The following CABCOCO1 variants were observed in gnomAD, a reference collection of about 807,000 sequenced individuals.
CABCOCO1 encodes the protein ciliary associated calcium binding coiled-coil 1.
A neutral mutation model predicts 35.7 loss-of-function variants in CABCOCO1; 28 were observed. The ratio of observed to expected loss-of-function variants is 0.78; its 90% CI spans 0.58 to 1.07. The LOEUF is 1.07. CABCOCO1 is among the 50% of genes least tolerant of loss of function. The pLI is 0.00. For missense variants in CABCOCO1, 326 were observed against 309.2 expected (o/e 1.05, Z -0.41); for synonymous variants, 95 against 100.1 (o/e 0.95, Z 0.30).
chr10:61,670,966 T>C (rs1321753045), intron 1 of CABCOCO1, among the ~76,000 whole-genome samples: 1 of 152,222 alleles, frequency 6.6e-6, no homozygotes, highest in Non-Finnish European at 1.5e-5. Flanking sequence ...ACTCAGCCAC[T>C]GAAATCAACT....
intron 5 of CABCOCO1, among the ~76,000 whole-genome samples, chr10:61,733,461 T>C (rs1161173472): frequency 6.6e-6 from 1 of 152,080 alleles, no homozygotes; most frequent in Non-Finnish European, 1.5e-5. Flanking sequence ...CTATTTAAGG[T>C]GTTTAATCAA....
intron 7 of CABCOCO1, among the ~76,000 whole-genome samples, chr10:61,765,322 C>T (rs576132969): frequency 4.9e-4 from 74 of 152,272 alleles, no homozygotes; most frequent in Non-Finnish European, 8.4e-4. Context: ...CACAGAAGAT[C>T]GCTGCCAGAG....
chr10:61,711,315 G>A (rs146757250), intron 5 of CABCOCO1, among the ~76,000 whole-genome samples: 103 of 152,026 alleles, frequency 6.8e-4, no homozygotes, highest in African/African-American at 2.4e-3. Flanking sequence ...CACGTTAACA[G>A]CAATCATAAA....
chr10:61,688,214 A>T (rs1840024733), intron 4 of CABCOCO1, among the ~76,000 whole-genome samples: 1 of 152,220 alleles, frequency 6.6e-6, no homozygotes, highest in South Asian at 2.1e-4. Flanking sequence ...CATTTTGATG[A>T]CTACAAAGCA....
At chr10:61,734,192 A>C (rs1208641118) in intron 5 of CABCOCO1, among the ~76,000 whole-genome samples, 1 of 152,102 alleles carries the variant, frequency 6.6e-6, no homozygotes, top group Admixed American at 6.6e-5. Flanking sequence ...AAGGGTATGA[A>C]AATGTGAATT....
intron 5 of CABCOCO1, among the ~76,000 whole-genome samples, chr10:61,720,851 T>C (rs908770710): frequency 1.3e-5 from 2 of 151,598 alleles, no homozygotes; most frequent in Non-Finnish European, 2.9e-5. Context: ...AGTAGGAAAG[T>C]ATAATATTTT....
intron 5 of CABCOCO1, among the ~76,000 whole-genome samples, chr10:61,725,621 AG>A (rs1025440243): frequency 1.6e-5 from 1 of 62,856 alleles, no homozygotes; most frequent in African/African-American, 6.0e-5. Flanking sequence ...GGGTAGGGGG[AG>A]GGGGGAGGGA....
At chr10:61,764,650 A>G (rs1395900575) in intron 7 of CABCOCO1, among the ~76,000 whole-genome samples, 1 of 152,078 alleles carries the variant, frequency 6.6e-6, no homozygotes, top group Non-Finnish European at 1.5e-5. Context: ...TGCATCCTAA[A>G]GGAAGAGTTC....
intron 5 of CABCOCO1, among the ~76,000 whole-genome samples, chr10:61,753,786 C>T (rs1026774656): frequency 2.0e-5 from 3 of 152,054 alleles, no homozygotes; most frequent in African/African-American, 7.2e-5. Flanking sequence ...CTATCTAGGT[C>T]TCAAAAGAGA....
intron 5 of CABCOCO1, among the ~76,000 whole-genome samples, chr10:61,745,925 C>A (rs1024496448): frequency 6.6e-5 from 10 of 152,158 alleles, no homozygotes; most frequent in African/African-American, 2.4e-4. Context: ...GAATTAAAAA[C>A]CAAGATGGAT....
intron 5 of CABCOCO1, among the ~76,000 whole-genome samples, chr10:61,704,536 T>A (rs182648264): frequency 6.6e-6 from 1 of 152,150 alleles, no homozygotes; most frequent in Non-Finnish European, 1.5e-5. Context: ...TAGATCCTCC[T>A]CTAATTGATC....
At chr10:61,720,690 G>T (rs1011170961) in intron 5 of CABCOCO1, among the ~76,000 whole-genome samples, 2 of 36,744 alleles carry the variant, frequency 5.4e-5, no homozygotes, top group Non-Finnish European at 8.7e-5. Context: ...ATCATGTGGT[G>T]GGGGGGCAGG....
chr10:61,696,075 A>G (rs1048300012), intron 5 of CABCOCO1, among the ~76,000 whole-genome samples: 1 of 152,132 alleles, frequency 6.6e-6, no homozygotes, highest in African/African-American at 2.4e-5. Flanking sequence ...CTAAATAAAT[A>G]TCAAATGTGT....
chr10:61,674,618 T>C (rs1219628981), intron 2 of CABCOCO1, among the ~76,000 whole-genome samples: 1 of 152,134 alleles, frequency 6.6e-6, no homozygotes, highest in Non-Finnish European at 1.5e-5. Context: ...TATCACCAAG[T>C]GACAGAAAAT....
intron 5 of CABCOCO1, among the ~76,000 whole-genome samples, chr10:61,740,731 A>C (rs1841531042): frequency 6.6e-6 from 1 of 152,200 alleles, no homozygotes; most frequent in East Asian, 1.9e-4. Flanking sequence ...CTGAGAAAAA[A>C]ATTAAAATAT....
At chr10:61,738,590 A>G (rs1385148698) in intron 5 of CABCOCO1, among the ~76,000 whole-genome samples, 1 of 152,224 alleles carries the variant, frequency 6.6e-6, no homozygotes, top group East Asian at 1.9e-4. Context: ...AAACATCTTA[A>G]TGATAAGTCC....
chr10:61,709,643 TAA>T (rs67733924), intron 5 of CABCOCO1, among the ~76,000 whole-genome samples: 59,472 of 151,264 alleles, frequency 0.39, 13,949 homozygotes, highest in Middle Eastern at 0.53. Flanking sequence ...GAAATTTTTT[TAA>T]AGTCATTTAA....
intron 5 of CABCOCO1, among the ~76,000 whole-genome samples, chr10:61,696,545 C>T (rs533916469): frequency 2.6e-4 from 39 of 152,004 alleles, no homozygotes; most frequent in East Asian, 9.7e-4. Context: ...TTGCTCAGGC[C>T]GGAATGCAGT....
rs114679498 is a variant in CABCOCO1, at chr10:61,761,667, T to C, written c.816+664T>C. Among the ~76,000 whole-genome samples, 439 of 152,230 alleles carry C rather than the reference T, an allele frequency of 2.9e-3. 2 individuals are homozygous for C. The highest frequency in any genetic ancestry group is 0.01 in the African/African-American group (418 of 41,552). Reference sequence around the variant, plus strand: ...AATGATTAAATAAGTAAAATGTATATTTTGAGTACATTTGCAATTTATTTA... The same window carrying C: ...AATGATTAAATAAGTAAAATGTATACTTTGAGTACATTTGCAATTTATTTA... On this transcript the variant is annotated intron_variant, in intron 7 of 7. Transcript: ENST00000648843.
Sources: gnomAD v4.1 joint callset for allele counts (sites outside exome capture counted in the v4.1 genomes callset) on GRCh38, gnomAD v4.1.1 for gene constraint, MANE v1.5 for transcripts, NCBI Gene and HGNC (gene_info 2026-07-23, HGNC 2026-07-21) for gene names.